CREB5: variants seen among roughly 807,000 people sequenced by gnomAD.
The protein encoded by CREB5 is cAMP responsive element binding protein 5.
In CREB5, 19 loss-of-function variants were observed where a neutral mutation model predicts 57.1. The observed-to-expected ratio is 0.33, with a 90% CI of 0.23 to 0.49. The LOEUF is 0.49. Ranked by LOEUF, CREB5 falls within the 20% of genes least tolerant of loss-of-function variation. CREB5 has a pLI of 0.99. For synonymous variants in CREB5, 238 were observed against 238.3 expected, an observed-to-expected ratio of 1.00 and a Z score of 0.01; for missense variants, 579 against 671.6, an observed-to-expected ratio of 0.86 and a Z score of 1.52.
In CREB5 at chr7:28,557,083, C is replaced by G. The variant is rs546586881; in HGVS notation, c.292-13282C>G. 4.9e-5 allele frequency among the ~76,000 whole-genome samples: 7 copies of G among 142,410 alleles called. No homozygotes were observed. In the South Asian group the frequency reaches 1.3e-3, roughly 26 times the overall value. 93.4% of individuals were successfully genotyped at this position (142,410 alleles called of 152,430 possible). A position where few individuals can be genotyped will look rare whatever the true frequency, so the allele number is the denominator to read the frequency against. The stretch of plus-strand genomic sequence containing the variant: ...AGGGCTTTCCTACAATCTGTTCCCA[C>G]CTTTGCAAAAAGTCTCTTTATTAAA... On this transcript the variant is annotated intron_variant, in intron 4 of 10. Coordinates refer to ENST00000357727, the MANE Select transcript of CREB5 (RefSeq NM_182898.4).
Position 28,434,398 on chromosome 7 carries a change from G to A in CREB5, c.3+21481G>A, listed in dbSNP as rs1398538767. ...ATTCAACACCCAGATCCAGTTATTT[G>A]TAAACTTTTTTTCTGCCTATTATCT... On this transcript the variant is annotated intron_variant, in intron 1 of 10. Coordinates refer to ENST00000357727, the MANE Select transcript of CREB5 (RefSeq NM_182898.4). Among the ~76,000 whole-genome samples the A allele has an allele frequency of 4.6e-5, 7 of 152,104 alleles. No individual in the cohort carries two copies. In the South Asian group the frequency reaches 1.0e-3, roughly 23 times the overall value.
chr7:28,608,511 C>G (rs1476084579), intron 5 of CREB5, among the ~76,000 whole-genome samples: 2 of 152,110 alleles, frequency 1.3e-5, no homozygotes, highest in Non-Finnish European at 2.9e-5. Context: ...AAGGATGATG[C>G]TCTGAAACTT....
intron 1 of CREB5, among the ~76,000 whole-genome samples, chr7:28,390,580 G>T (rs1010990367): frequency 6.6e-6 from 1 of 152,108 alleles, no homozygotes; most frequent in Non-Finnish European, 1.5e-5. Flanking sequence ...GTGGGGTTTT[G>T]GCAAAGTGCT....
intron 1 of CREB5, among the ~76,000 whole-genome samples, chr7:28,414,573 TG>T (rs548245960): frequency 2.4e-4 from 37 of 152,306 alleles, no homozygotes; most frequent in Non-Finnish European, 4.7e-4. Flanking sequence ...AGACCCTTTT[TG>T]TGTTGCTATT....
intron 5 of CREB5, among the ~76,000 whole-genome samples, chr7:28,713,053 A>G (rs1301883846): frequency 6.6e-6 from 1 of 151,896 alleles, no homozygotes; most frequent in Non-Finnish European, 1.5e-5. Context: ...AAAAATTTTT[A>G]TTTATTTTTT....
intron 6 of CREB5, among the ~76,000 whole-genome samples, chr7:28,721,190 A>C (rs1803013587): frequency 6.6e-6 from 1 of 152,180 alleles, no homozygotes. Context: ...GGTTGTCACA[A>C]CCAGGGTCGG....
rs1488605008 is a variant in CREB5, at chr7:28,802,092, A to G, written c.703-2107A>G. 1.1e-4 allele frequency among the ~76,000 whole-genome samples: 16 copies of G among 149,294 alleles called. No homozygotes were observed. The South Asian group carries it at 3.4e-3, about 32-fold the overall frequency. The stretch of plus-strand genomic sequence containing the variant: ...AGACTCCATCTGAAAAAAAAAAAAA[A>G]AAAAAAAAAAAAAGGAGGAAACACA... On this transcript the variant is annotated intron_variant, in intron 7 of 10. Coordinates refer to ENST00000357727, the MANE Select transcript of CREB5 (RefSeq NM_182898.4).
At chr7:28,367,581 G>A (rs537501372) in intron 1 of CREB5, among the ~76,000 whole-genome samples, 3 of 152,250 alleles carry the variant, frequency 2.0e-5, no homozygotes, top group South Asian at 4.1e-4. Flanking sequence ...AAGCCGAGGC[G>A]GGTGGATCAC....
chr7:28,691,553 T>A (rs186431869), intron 5 of CREB5, among the ~76,000 whole-genome samples: 2 of 152,070 alleles, frequency 1.3e-5, no homozygotes, highest in Non-Finnish European at 2.9e-5. Flanking sequence ...TAAAAAAGGA[T>A]GTTTTGTAGA....
intron 7 of CREB5, among the ~76,000 whole-genome samples, chr7:28,740,069 G>A (rs1319245974): frequency 6.6e-6 from 1 of 152,158 alleles, no homozygotes; most frequent in Non-Finnish European, 1.5e-5. Context: ...AAAAAGGAAT[G>A]GGGGTGGGGG....
chr7:28,337,009 T>C (rs1785836528), intron 1 of CREB5, among the ~76,000 whole-genome samples: 1 of 152,078 alleles, frequency 6.6e-6, no homozygotes, highest in African/African-American at 2.4e-5. Flanking sequence ...GTTTCCAAAA[T>C]TCCTCCTGTG....
intron 5 of CREB5, among the ~76,000 whole-genome samples, chr7:28,593,919 T>C (rs1483962946): frequency 1.3e-5 from 2 of 152,296 alleles, no homozygotes; most frequent in East Asian, 1.9e-4. Flanking sequence ...TTGCAAACTT[T>C]TGGGAGGTTA....
At chr7:28,642,253 A>T (rs1396393607) in intron 5 of CREB5, among the ~76,000 whole-genome samples, 1 of 152,206 alleles carries the variant, frequency 6.6e-6, no homozygotes, top group Non-Finnish European at 1.5e-5. Context: ...AAAACCAGGG[A>T]AAAACTATTT....
At chr7:28,478,170 A>G (rs886423647) in intron 1 of CREB5, among the ~76,000 whole-genome samples, 1 of 152,146 alleles carries the variant, frequency 6.6e-6, no homozygotes, top group Non-Finnish European at 1.5e-5. Context: ...CACTTTAAAC[A>G]TATTTAATGA....
intron 7 of CREB5, among the ~76,000 whole-genome samples, chr7:28,742,885 C>A (rs913484736): frequency 6.6e-6 from 1 of 152,104 alleles, no homozygotes; most frequent in Non-Finnish European, 1.5e-5. Context: ...CAGATTCAAG[C>A]GATTCTCCTG....
chr7:28,557,793 G>A (rs1794935684), intron 4 of CREB5, among the ~76,000 whole-genome samples: 1 of 152,166 alleles, frequency 6.6e-6, no homozygotes, highest in Non-Finnish European at 1.5e-5. Flanking sequence ...ATATCAAGGA[G>A]GTCCTTGTGA....
upstream of CREB5, chr7:28,410,876 T>G (rs1239636308): frequency 1.1e-5 from 3 of 283,224 alleles, no homozygotes; most frequent in South Asian, 3.5e-5. Context: ...AACACACTCG[T>G]GCAATCGCCG....
At chr7:28,482,345 G>A (rs1386500400) in intron 1 of CREB5, among the ~76,000 whole-genome samples, 1 of 152,198 alleles carries the variant, frequency 6.6e-6, no homozygotes, top group Non-Finnish European at 1.5e-5. Flanking sequence ...TTATTATTGT[G>A]TGTGTCCCCT....
At chr7:28,436,016 A>G (rs1180975844) in intron 1 of CREB5, among the ~76,000 whole-genome samples, 1 of 152,110 alleles carries the variant, frequency 6.6e-6, no homozygotes, top group African/African-American at 2.4e-5. Flanking sequence ...TTGTGGCATG[A>G]TGGTTTATTT....
Sources: gnomAD v4.1 joint callset for allele counts (sites outside exome capture counted in the v4.1 genomes callset) on GRCh38, gnomAD v4.1.1 for gene constraint, MANE v1.5 for transcripts, NCBI Gene and HGNC (gene_info 2026-07-23, HGNC 2026-07-21) for gene names.